The following ITIH5 variants were observed in gnomAD, a reference collection of about 807,000 sequenced individuals.
ITIH5 encodes inter-alpha-trypsin inhibitor heavy chain H5.
In ITIH5, 65 loss-of-function variants were observed where a neutral mutation model predicts 77.5. The ratio of observed to expected loss-of-function variants is 0.84; its 90% CI spans 0.69 to 1.03. The LOEUF (loss-of-function observed/expected upper bound fraction) is 1.03. Among genes scored for constraint, ITIH5 ranks in the 50% least tolerant of loss-of-function variants. The pLI is 0.00. For missense variants in ITIH5, 1,208 were observed against 1,213.1 expected (o/e 1.00, Z 0.06); for synonymous variants, 525 against 494.3 (o/e 1.06, Z -0.82).
rs530132423 is a variant in ITIH5 at position 7,586,729 on chromosome 10, GAA to G, written c.940-662_940-661del. On this transcript the variant is annotated intron_variant, in intron 7 of 13. Coordinates refer to ENST00000397146, the MANE Select transcript of ITIH5 (RefSeq NM_030569.7). Reference sequence around the variant, plus strand: ...CCAAATAATAAATACCATAGGAATTGAAAAGATTATTACTATGGGCTGGAGTG... The same window carrying G: ...CCAAATAATAAATACCATAGGAATTGAAGATTATTACTATGGGCTGGAGTG... 3.3e-5 allele frequency among the ~76,000 whole-genome samples: 5 copies of G among 152,278 alleles called. No homozygotes were observed. The South Asian group carries it at 1.0e-3, about 32-fold the overall frequency.
chr10:7,619,675 C>T (rs991817146), intron 5 of ITIH5: 8 of 268,506 alleles, frequency 3.0e-5, no homozygotes, highest in South Asian at 1.3e-4. Flanking sequence ...GAGCGAGAGA[C>T]AGAACTGGGA....
chr10:7,580,094 G>A (rs1404487689), intron 8 of ITIH5, 30 bp from the exon 9 acceptor site: 7 of 1,538,558 alleles, frequency 4.5e-6, no homozygotes, highest in East Asian at 2.4e-5. Context: ...AACAGCTCAA[G>A]CCTCTGCACT....
Position 7,559,367 on chromosome 10 carries a change from TTC to T in ITIH5, c.*3714_*3715del, listed in dbSNP as rs1468101463. ...ATATGTTGTTTGTTTTTATGCATCGTTCTCTTATAAATTTTTTGTCTAAGTAA... is the reference window on the plus strand; with the variant it reads ...ATATGTTGTTTGTTTTTATGCATCGTTCTTATAAATTTTTTGTCTAAGTAA... On this transcript the variant is annotated 3_prime_UTR_variant, in exon 14 of 14. Coordinates refer to ENST00000397146, the MANE Select transcript of ITIH5 (RefSeq NM_030569.7). 2.1e-5 allele frequency: 3 copies of T among 143,892 alleles called. No homozygotes were observed. Among genetic ancestry groups the T allele is most frequent in the South Asian group, 2.1e-4 (1 of 4,670 alleles). The allele number at this position is 143,892 out of a possible 1,614,324, so 8.9% of individuals were successfully genotyped here.
chr10:7,648,195 G>A (rs1282755252), intron 2 of ITIH5, among the ~76,000 whole-genome samples: 2 of 150,764 alleles, frequency 1.3e-5, no homozygotes, highest in African/African-American at 4.9e-5. Flanking sequence ...AGTGAGCGGA[G>A]ATCACACCAC....
chr10:7,603,782 A>G (rs754965517), intron 7 of ITIH5, among the ~76,000 whole-genome samples: 13 of 152,010 alleles, frequency 8.6e-5, no homozygotes, highest in Non-Finnish European at 1.5e-4. Context: ...ACGAGGTTTC[A>G]CTGTGTTAGC....
intron 2 of ITIH5, among the ~76,000 whole-genome samples, chr10:7,654,313 G>A (rs1834146618): frequency 6.6e-6 from 1 of 152,152 alleles, no homozygotes; most frequent in Admixed American, 6.5e-5. Context: ...CAATTTACAT[G>A]TATGTATGTA....
chr10:7,633,332 G>A (rs911700144), intron 5 of ITIH5, among the ~76,000 whole-genome samples: 8 of 152,152 alleles, frequency 5.3e-5, no homozygotes, highest in Non-Finnish European at 1.2e-4. Flanking sequence ...CTTTTACACT[G>A]GGAAAGATCC....
intron 2 of ITIH5, among the ~76,000 whole-genome samples, chr10:7,647,823 A>G (rs1035643129): frequency 2.0e-5 from 3 of 152,168 alleles, no homozygotes; most frequent in Non-Finnish European, 4.4e-5. Flanking sequence ...TCTTAAATAT[A>G]AACTCTTCAC....
chr10:7,596,459 T>C (rs1046567194), intron 7 of ITIH5, among the ~76,000 whole-genome samples: 4 of 152,084 alleles, frequency 2.6e-5, no homozygotes, highest in African/African-American at 9.7e-5. Context: ...TCTCAAACCA[T>C]ATTTGATGGG....
chr10:7,650,731 C>T (rs566640270), intron 2 of ITIH5, among the ~76,000 whole-genome samples: 210 of 146,296 alleles, frequency 1.4e-3, no homozygotes, highest in African/African-American at 4.9e-3. Context: ...AGCAAAACTC[C>T]ATCTCAAAAA....
intron 4 of ITIH5, among the ~76,000 whole-genome samples, chr10:7,640,135 TA>T (rs1231210073): frequency 6.1e-5 from 6 of 98,970 alleles, no homozygotes; most frequent in East Asian, 2.7e-4. Context: ...TATTTAGAGT[TA>T]GGGGGTAACT....
chr10:7,642,294 A>G (rs1418154206), intron 2 of ITIH5, among the ~76,000 whole-genome samples: 1 of 152,008 alleles, frequency 6.6e-6, no homozygotes, highest in East Asian at 1.9e-4. Context: ...GTTGTTTTGC[A>G]TAAACAATTA....
At chr10:7,592,563 TG>T (rs1832813868) in intron 7 of ITIH5, among the ~76,000 whole-genome samples, 1 of 151,714 alleles carries the variant, frequency 6.6e-6, no homozygotes, top group African/African-American at 2.4e-5. Context: ...GTTCTGTTGG[TG>T]AATTCAAGGG....
intron 5 of ITIH5, among the ~76,000 whole-genome samples, chr10:7,635,709 G>A (rs753042664): frequency 1.3e-5 from 2 of 152,158 alleles, no homozygotes; most frequent in Non-Finnish European, 2.9e-5. Flanking sequence ...TGCTGGGGGA[G>A]AAAGTGTATT....
chr10:7,595,358 T>C (rs1480298028), intron 7 of ITIH5, among the ~76,000 whole-genome samples: 1 of 151,934 alleles, frequency 6.6e-6, no homozygotes, highest in African/African-American at 2.4e-5. Flanking sequence ...TTCTTACTAT[T>C]CGGGTAGCGA....
At chr10:7,600,816 T>G (rs1255696974) in intron 7 of ITIH5, among the ~76,000 whole-genome samples, 1 of 152,184 alleles carries the variant, frequency 6.6e-6, no homozygotes, top group Non-Finnish European at 1.5e-5. Context: ...AAGACCCCAG[T>G]GAGCTAGCTA....
At chr10:7,616,493 A>G (rs1008135250) in intron 6 of ITIH5, among the ~76,000 whole-genome samples, 1 of 152,188 alleles carries the variant, frequency 6.6e-6, no homozygotes, top group Non-Finnish European at 1.5e-5. Flanking sequence ...TGTCTCTGGA[A>G]CAATAAGACC....
At chr10:7,588,920 G>C (rs538393988) in intron 7 of ITIH5, among the ~76,000 whole-genome samples, 17 of 152,342 alleles carry the variant, frequency 1.1e-4, no homozygotes, top group African/African-American at 3.8e-4. Flanking sequence ...TGCTCCATGG[G>C]AGACTGGATT....
chr10:7,569,010 C>CTTTTTTTTTTT (rs5782983), intron 12 of ITIH5, among the ~76,000 whole-genome samples: 12 of 71,564 alleles, frequency 1.7e-4, no homozygotes, highest in Non-Finnish European at 1.9e-4. Context: ...TTTTCTTTTT[C>CTTTTTTTTTTT]TTTTTTTTTT....
Sources: gnomAD v4.1 joint callset for allele counts (sites outside exome capture counted in the v4.1 genomes callset) on GRCh38, gnomAD v4.1.1 for gene constraint, MANE v1.5 for transcripts, NCBI Gene and HGNC (gene_info 2026-07-23, HGNC 2026-07-21) for gene names.